KLHL13: variants seen among roughly 807,000 people sequenced by gnomAD.
KLHL13 encodes kelch-like protein 13.
KLHL13 carries 10 observed loss-of-function variants against 37.1 expected under a neutral mutation model. The ratio of observed to expected loss-of-function variants is 0.27; its 90% CI spans 0.17 to 0.46. KLHL13 has a LOEUF of 0.46. KLHL13 is among the 20% of genes least tolerant of loss of function. The probability of loss-of-function intolerance (pLI) is 1.00; values close to 1 mark genes in which losing one functional copy is unlikely to be tolerated. For missense variants in KLHL13, 360 were observed against 509.3 expected (o/e 0.71, Z 2.82); for synonymous variants, 163 against 181.2 (o/e 0.90, Z 0.81).
At chrX:118,008,007 A>C (rs1367285514) in intron 1 of KLHL13, among the ~76,000 whole-genome samples, 2 of 111,955 alleles carry the variant, frequency 1.8e-5, no homozygotes, top group Non-Finnish European at 3.8e-5. Context: ...GGGTCAAAAT[A>C]TCACACAGCA....
intron 1 of KLHL13, among the ~76,000 whole-genome samples, chrX:117,968,641 A>G (rs889251294): frequency 8.9e-5 from 10 of 111,998 alleles, no homozygotes; most frequent in African/African-American, 3.2e-4. Context: ...AAGCAACTAA[A>G]CATTCTTTTC....
At chrX:118,019,253 A>C (rs1199183228) in intron 1 of KLHL13, among the ~76,000 whole-genome samples, 3 of 111,708 alleles carry the variant, frequency 2.7e-5, no homozygotes, top group Admixed American at 1.9e-4. Context: ...TTACAAATAC[A>C]GTATTTTCAT....
chrX:117,945,725 C>T, intron 1 of KLHL13, 150 bp from the exon 3 acceptor site: 1 of 422,428 alleles, frequency 2.4e-6, no homozygotes. Flanking sequence ...GCTTGTACCA[C>T]TCTTTATCTT....
chrX:118,019,614 T>C (rs1417986103), intron 1 of KLHL13, among the ~76,000 whole-genome samples: 1 of 111,647 alleles, frequency 9.0e-6, no homozygotes, highest in Non-Finnish European at 1.9e-5. Flanking sequence ...TCTAGGGTTT[T>C]TATGGTTTTA....
At chrX:117,918,666 G>A (rs1020807663) in intron 4 of KLHL13, among the ~76,000 whole-genome samples, 4 of 111,445 alleles carry the variant, frequency 3.6e-5, no homozygotes, top group Admixed American at 9.5e-5. Flanking sequence ...CAGGAACTGG[G>A]TGACTATCAT....
At chrX:118,000,344 C>T (rs1332220830) in intron 1 of KLHL13, among the ~76,000 whole-genome samples, 1 of 112,187 alleles carries the variant, frequency 8.9e-6, no homozygotes, top group Non-Finnish European at 1.9e-5. Context: ...ACAAGATAAA[C>T]TTAATTTCAA....
intron 1 of KLHL13, among the ~76,000 whole-genome samples, chrX:118,110,343 T>C (rs937162225): frequency 2.7e-5 from 3 of 109,267 alleles, no homozygotes; most frequent in East Asian, 2.9e-4. Context: ...ATTTGTTTTC[T>C]ACCTTTCTCT....
intron 2 of KLHL13, among the ~76,000 whole-genome samples, chrX:117,941,493 A>C (rs1318239540): frequency 9.0e-6 from 1 of 111,350 alleles, no homozygotes; most frequent in African/African-American, 3.3e-5. Flanking sequence ...GTAGGCTATT[A>C]ATTACTGCCT....
chrX:117,964,842 G>GT (rs1382962481), intron 1 of KLHL13, among the ~76,000 whole-genome samples: 8 of 110,843 alleles, frequency 7.2e-5, no homozygotes, highest in African/African-American at 2.6e-4. Flanking sequence ...GCAGTGTTTG[G>GT]TTTTTGGTCC....
chrX:117,996,439 C>T (rs937666341), intron 1 of KLHL13, among the ~76,000 whole-genome samples: 2 of 111,430 alleles, frequency 1.8e-5, no homozygotes, highest in Non-Finnish European at 3.8e-5. Flanking sequence ...TCCATACTGA[C>T]CTCAACAACA....
intron 1 of KLHL13, among the ~76,000 whole-genome samples, chrX:118,007,370 C>CAAAAA (rs57382655): frequency 1.3e-4 from 6 of 46,583 alleles, no homozygotes; most frequent in Admixed American, 3.2e-4. Flanking sequence ...GAGACCCTGT[C>CAAAAA]AAAAAAAAAA....
chrX:117,911,424 C>G (rs967265078), intron 4 of KLHL13, among the ~76,000 whole-genome samples: 10 of 112,094 alleles, frequency 8.9e-5, no homozygotes, highest in African/African-American at 3.2e-4. Context: ...TAGACTTTAA[C>G]TTATGGGATA....
At chrX:118,011,802 T>C (rs928753225) in intron 1 of KLHL13, among the ~76,000 whole-genome samples, 2 of 112,012 alleles carry the variant, frequency 1.8e-5, no homozygotes, top group African/African-American at 6.5e-5. Flanking sequence ...TACTGGGGAA[T>C]CTTTGTGTTG....
intron 1 of KLHL13, among the ~76,000 whole-genome samples, chrX:118,012,433 G>A (rs991533504): frequency 9.1e-6 from 1 of 109,939 alleles, no homozygotes; most frequent in African/African-American, 3.3e-5. Flanking sequence ...TTGGCTTGTG[G>A]CACCTTCCTA....
At chrX:118,069,146 CA>C (rs2054828035) in intron 1 of KLHL13, among the ~76,000 whole-genome samples, 3 of 109,456 alleles carry the variant, frequency 2.7e-5, no homozygotes, top group Admixed American at 9.8e-5. Context: ...CACACACACA[CA>C]CCCTCACCTG....
intron 1 of KLHL13, among the ~76,000 whole-genome samples, chrX:118,096,742 GC>G (rs1319058033): frequency 9.0e-6 from 1 of 111,529 alleles, no homozygotes; most frequent in Non-Finnish European, 1.9e-5. Flanking sequence ...GATCAAGTGG[GC>G]TTCATCCCTG....
intron 1 of KLHL13, among the ~76,000 whole-genome samples, chrX:118,078,972 T>C (rs2054958831): frequency 9.0e-6 from 1 of 110,858 alleles, no homozygotes. Context: ...GACATTCTAG[T>C]AGGTTCCTAG....
intron 1 of KLHL13, among the ~76,000 whole-genome samples, chrX:118,104,230 G>T (rs191923683): frequency 2.7e-5 from 3 of 110,005 alleles, no homozygotes; most frequent in African/African-American, 1.0e-4. Context: ...TCAAAAAAAA[G>T]ACATTTTCCA....
At chrX:117,947,633 T>C (rs1933385322) in intron 1 of KLHL13, 1 of 112,423 alleles carries the variant, frequency 8.9e-6, no homozygotes, top group Admixed American at 9.4e-5. Context: ...CTTGCCTTTT[T>C]AATTAATTAC....
Sources: gnomAD v4.1 joint callset for allele counts (sites outside exome capture counted in the v4.1 genomes callset) on GRCh38, gnomAD v4.1.1 for gene constraint, MANE v1.5 for transcripts, NCBI Gene and HGNC (gene_info 2026-07-23, HGNC 2026-07-21) for gene names.